The following NDRG4 variants were observed in gnomAD, a reference collection of about 807,000 sequenced individuals.
NDRG4 encodes NDRG family member 4.
NDRG4 carries 38 observed loss-of-function variants against 55.8 expected under a neutral mutation model. The ratio of observed to expected loss-of-function variants is 0.68; its 90% CI spans 0.53 to 0.89. The LOEUF (loss-of-function observed/expected upper bound fraction) is 0.89, where lower values mean the gene tolerates loss of function less well. NDRG4 is among the 40% of genes least tolerant of loss of function. The probability of loss-of-function intolerance (pLI) is 0.00; values close to 1 mark genes in which losing one functional copy is unlikely to be tolerated. For synonymous variants in NDRG4, 190 were observed against 182.7 expected (o/e 1.04, Z -0.32); for missense variants, 455 against 468.6 (o/e 0.97, Z 0.27).
intron 5 of NDRG4, among the ~76,000 whole-genome samples, chr16:58,505,365 A>G (rs796690351): frequency 1.4e-5 from 2 of 142,674 alleles, no homozygotes; most frequent in Non-Finnish European, 2.9e-5. Flanking sequence ...ATAAAAAAAT[A>G]AAAAAAATCA....
chr16:58,498,286 C>G (rs978353015), upstream of NDRG4, among the ~76,000 whole-genome samples: 49 of 152,204 alleles, frequency 3.2e-4, no homozygotes, highest in African/African-American at 1.1e-3. Flanking sequence ...GGTGACGGGC[C>G]AGGGGGACTC....
At chr16:58,475,494 G>T (rs1046841640) in intron 1 of NDRG4, 1 of 404,272 alleles carries the variant, frequency 2.5e-6, no homozygotes, top group Non-Finnish European at 4.9e-6. Context: ...CCTTTAGCAC[G>T]ATAGGGTGGG....
chr16:58,501,422 C>T, intron 1 of NDRG4: 1 of 218,776 alleles, frequency 4.6e-6, no homozygotes, highest in Non-Finnish European at 9.0e-6. Context: ...TGCTTCCCGC[C>T]TGCGCCTACC....
At chr16:58,470,155 T>C (rs2032498329) in intron 1 of NDRG4, among the ~76,000 whole-genome samples, 1 of 152,240 alleles carries the variant, frequency 6.6e-6, no homozygotes, top group African/African-American at 2.4e-5. Context: ...TCTCAGTGAA[T>C]GTGTCTTATA....
chr16:58,511,262 C>T, intron 14 of NDRG4, 160 bp from the exon 15 acceptor site: 3 of 800,614 alleles, frequency 3.7e-6, no homozygotes, highest in Admixed American at 4.8e-5. Context: ...GCCCTGCATG[C>T]CCCCAGCCCG....
At position 58,464,321 on chromosome 16, in the gene NDRG4, CCG is replaced by C; in HGVS notation, c.-24+528_-24+529del. The C allele has an allele frequency of 1.0e-6, 1 of 989,272 alleles. No individual in the cohort carries two copies. The highest frequency in any genetic ancestry group is 1.3e-6 in the Non-Finnish European group (1 of 741,292). The allele number at this position is 989,272 out of a possible 1,614,324, so 61.3% of individuals were successfully genotyped here. ...TGTGAGCTGCTCCTGCCGCTTCGCT[CCG>C]CGCTCTCCTGCCGCTCCGCTCCGGG... On this transcript the variant is annotated intron_variant, in intron 1 of 15. Transcript: ENST00000258187. The surrounding 1 kb of genome is among the most constrained non-coding windows in gnomAD (Gnocchi z 4.8).
chr16:58,511,587 C>T lies in NDRG4; in HGVS notation c.*11C>T. The T allele has an allele frequency of 1.2e-6, 2 of 1,613,042 alleles. No homozygotes were observed. Among genetic ancestry groups the T allele is most frequent in the South Asian group, 1.1e-5 (1 of 91,078 alleles). ...GAGGTGTCCTGTTGAAGCCCTTGATCCCGCTGACGACGCCCACGTCGAGGC... is the reference window on the plus strand; with the variant it reads ...GAGGTGTCCTGTTGAAGCCCTTGATTCCGCTGACGACGCCCACGTCGAGGC... On this transcript the variant is annotated 3_prime_UTR_variant, in exon 15 of 15. Coordinates refer to ENST00000570248, the MANE Select transcript of NDRG4 (RefSeq NM_001242835.2).
intron 1 of NDRG4, among the ~76,000 whole-genome samples, chr16:58,472,876 C>T (rs1018821906): frequency 3.3e-5 from 5 of 152,074 alleles, no homozygotes; most frequent in African/African-American, 4.8e-5. Context: ...GCCCAGGGCT[C>T]GGTCCACTTG....
intron 1 of NDRG4, among the ~76,000 whole-genome samples, chr16:58,479,462 G>T (rs1176507836): frequency 6.6e-6 from 1 of 152,126 alleles, no homozygotes; most frequent in Non-Finnish European, 1.5e-5. Context: ...TTTTTCTTTA[G>T]GATAAATACC....
At chr16:58,477,202 C>T (rs1275509765) in intron 1 of NDRG4, among the ~76,000 whole-genome samples, 4 of 150,928 alleles carry the variant, frequency 2.7e-5, no homozygotes, top group African/African-American at 9.8e-5. Context: ...TAGTGTCTTG[C>T]ATACATTTCA....
intron 1 of NDRG4, among the ~76,000 whole-genome samples, chr16:58,474,548 C>T (rs1323132001): frequency 6.6e-6 from 1 of 152,162 alleles, no homozygotes; most frequent in Non-Finnish European, 1.5e-5. Flanking sequence ...CCTCTCTCTC[C>T]CCTCCTGTGA....
At chr16:58,496,078 C>CT (rs1213695556), upstream of NDRG4, among the ~76,000 whole-genome samples, 4 of 152,154 alleles carry the variant, frequency 2.6e-5, no homozygotes, top group Non-Finnish European at 4.4e-5. Context: ...CAAGTAAAAT[C>CT]TCAGAGCAGC....
chr16:58,464,312 C>A lies in NDRG4; in HGVS notation c.-24+515C>A, dbSNP rs1443786630. ...GCTCCTGGCTGTGAGCTGCTCCTGCCGCTTCGCTCCGCGCTCTCCTGCCGC... is the reference window on the plus strand; with the variant it reads ...GCTCCTGGCTGTGAGCTGCTCCTGCAGCTTCGCTCCGCGCTCTCCTGCCGC... On this transcript the variant is annotated intron_variant, in intron 1 of 15. Transcript: ENST00000258187. This position sits in a 1 kb window ranked among gnomAD's most constrained non-coding sequence, Gnocchi z 4.8. 4 of 855,268 alleles carry A rather than the reference C, an allele frequency of 4.7e-6. No homozygotes were observed. The highest frequency in any genetic ancestry group is 8.7e-5 in the Admixed American group (2 of 23,112). 53.0% of individuals were successfully genotyped at this position (855,268 alleles called of 1,614,324 possible).
chr16:58,497,019 A>G (rs949633123), upstream of NDRG4: 1 of 152,100 alleles, frequency 6.6e-6, no homozygotes, highest in African/African-American at 2.4e-5. Context: ...ACTTAAAAAT[A>G]TTTTCCAAAA....
chr16:58,492,549 T>TGAGA (rs1350283332), intron 2 of NDRG4, among the ~76,000 whole-genome samples: 2 of 73,840 alleles, frequency 2.7e-5, no homozygotes, highest in African/African-American at 8.4e-5. Context: ...TGTGTGTGTG[T>TGAGA]GTGAGAGACA....
At chr16:58,481,634 C>G (rs572893270) in intron 1 of NDRG4, among the ~76,000 whole-genome samples, 4 of 152,282 alleles carry the variant, frequency 2.6e-5, no homozygotes, top group Admixed American at 6.5e-5. Flanking sequence ...ATCCTCCTGT[C>G]CTGCCACCCA....
chr16:58,506,359 C>G (rs1199038161), intron 5 of NDRG4, 28 bp from the exon 6 acceptor site: 1 of 1,609,760 alleles, frequency 6.2e-7, no homozygotes, highest in African/African-American at 1.3e-5. Flanking sequence ...CCTGGCCCCG[C>G]CCGGCCCTGT....
chr16:58,492,998 G>A (rs1362757299), intron 2 of NDRG4, among the ~76,000 whole-genome samples: 1 of 152,108 alleles, frequency 6.6e-6, no homozygotes, highest in Non-Finnish European at 1.5e-5. Context: ...GACAGTCGCA[G>A]GCAGCCCAAA....
chr16:58,507,298 G>C (rs1422072968), intron 8 of NDRG4: 2 of 485,884 alleles, frequency 4.1e-6, no homozygotes, highest in East Asian at 6.9e-5. Flanking sequence ...CCTGACTCCA[G>C]TAACCCAGCC....
Sources: allele counts gnomAD v4.1 joint callset (sites outside exome capture counted in the v4.1 genomes callset), GRCh38; gene constraint gnomAD v4.1.1; non-coding constraint Gnocchi (gnomAD v3.1); transcripts MANE v1.5; gene names NCBI Gene and HGNC (gene_info 2026-07-23, HGNC 2026-07-21).